ANK2: variants seen among roughly 807,000 people sequenced by gnomAD.
ANK2 encodes ankyrin 2.
A neutral mutation model predicts 360.5 loss-of-function variants in ANK2; 83 were observed. The observed-to-expected ratio is 0.23, with a 90% CI of 0.19 to 0.28. ANK2 has a LOEUF of 0.28. Among genes scored for constraint, ANK2 ranks in the 10% least tolerant of loss-of-function variants. The pLI, the probability that ANK2 is intolerant of heterozygous loss-of-function variation, is 1.00. For synonymous variants in ANK2, 1,740 were observed against 1,759.5 expected, an observed-to-expected ratio of 0.99 and a Z score of 0.28; for missense variants, 4,201 against 4,795.7, an observed-to-expected ratio of 0.88 and a Z score of 3.66.
At chr4:112,753,616 T>G in the ANK2 span, among the ~76,000 whole-genome samples, 1 of 151,982 alleles carries the variant, frequency 6.6e-6, no homozygotes, top group Non-Finnish European at 1.5e-5. Flanking sequence ...TAAAGCAGGT[T>G]GTAGTGAAGA....
chr4:112,737,551 C>G, the ANK2 span, among the ~76,000 whole-genome samples: 1 of 152,222 alleles, frequency 6.6e-6, no homozygotes, highest in African/African-American at 2.4e-5. Flanking sequence ...CTCCACATGG[C>G]ATCAGCTGGA....
the ANK2 span, among the ~76,000 whole-genome samples, chr4:112,790,473 A>ACTTTT: frequency 1.4e-4 from 20 of 140,298 alleles, no homozygotes; most frequent in African/African-American, 3.2e-4. Flanking sequence ...GGCCCCATTA[A>ACTTTT]CTTTTCTTTT....
the ANK2 span, among the ~76,000 whole-genome samples, chr4:112,729,148 T>C: frequency 6.6e-6 from 1 of 152,032 alleles, no homozygotes; most frequent in Non-Finnish European, 1.5e-5. Flanking sequence ...CAGTGAGGCA[T>C]GTTTGCCCCA....
chr4:112,961,616 A>T (rs2034881672), intron 2 of ANK2, among the ~76,000 whole-genome samples: 1 of 152,134 alleles, frequency 6.6e-6, no homozygotes, highest in Non-Finnish European at 1.5e-5. Context: ...GCAGATTATG[A>T]CTTATATGAA....
intron 1 of ANK2, among the ~76,000 whole-genome samples, chr4:113,121,233 A>T (rs2095331735): frequency 6.6e-6 from 1 of 152,168 alleles, no homozygotes; most frequent in South Asian, 2.1e-4. Flanking sequence ...CAAACAAGGA[A>T]ATTGCTTAAT....
the ANK2 span, among the ~76,000 whole-genome samples, chr4:112,790,488 T>C: frequency 9.4e-5 from 5 of 52,940 alleles, no homozygotes; most frequent in African/African-American, 1.8e-4. Flanking sequence ...TCTTTTCTTT[T>C]TTTTTTTTTT....
intron 1 of ANK2, among the ~76,000 whole-genome samples, chr4:113,071,473 C>G (rs917423867): frequency 6.6e-6 from 1 of 152,212 alleles, no homozygotes; most frequent in African/African-American, 2.4e-5. Context: ...GTTGCCTACC[C>G]TGGCTGCCTA....
chr4:112,852,689 C>A (rs2065294673), intron 1 of ANK2, among the ~76,000 whole-genome samples: 1 of 152,124 alleles, frequency 6.6e-6, no homozygotes, highest in Non-Finnish European at 1.5e-5. Flanking sequence ...TACACATATC[C>A]TATTTAAAAT....
intron 1 of ANK2, among the ~76,000 whole-genome samples, chr4:112,876,496 T>C (rs1355491633): frequency 6.6e-6 from 1 of 151,814 alleles, no homozygotes; most frequent in Non-Finnish European, 1.5e-5. Context: ...AAAAGAAGTA[T>C]GTGTGGAATG....
chr4:112,927,908 C>A (rs771236564), intron 2 of ANK2, among the ~76,000 whole-genome samples: 1 of 152,090 alleles, frequency 6.6e-6, no homozygotes, highest in Non-Finnish European at 1.5e-5. Context: ...ACTGAATAAC[C>A]AGAACAAGAA....
chr4:112,815,841 C>T (rs1471819200), upstream of ANK2, among the ~76,000 whole-genome samples: 2 of 152,254 alleles, frequency 1.3e-5, no homozygotes, highest in Admixed American at 1.3e-4. Flanking sequence ...GAAGCTCCTG[C>T]ACTCTGGACA....
intron 2 of ANK2, among the ~76,000 whole-genome samples, chr4:112,961,810 A>C (rs910031159): frequency 6.6e-6 from 1 of 152,132 alleles, no homozygotes; most frequent in Non-Finnish European, 1.5e-5. Flanking sequence ...AAATAATTAC[A>C]GTGGTTCTCA....
intron 2 of ANK2, among the ~76,000 whole-genome samples, chr4:113,016,131 G>A (rs2056549539): frequency 6.6e-6 from 1 of 151,800 alleles, no homozygotes; most frequent in Admixed American, 6.6e-5. Flanking sequence ...TTCAAGCCAT[G>A]CTCCCACTTT....
intron 2 of ANK2, among the ~76,000 whole-genome samples, chr4:113,016,578 AG>A (rs1339347503): frequency 1.3e-5 from 2 of 152,182 alleles, no homozygotes; most frequent in African/African-American, 4.8e-5. Flanking sequence ...AAGCTGATGA[AG>A]GCATTAGCTG....
chr4:112,876,590 A>G (rs1580296610), intron 1 of ANK2, among the ~76,000 whole-genome samples: 1 of 152,288 alleles, frequency 6.6e-6, no homozygotes, highest in African/African-American at 2.4e-5. Context: ...AAACAGATGT[A>G]GAGATGGATA....
intron 17 of ANK2, among the ~76,000 whole-genome samples, 194 bp from the exon 18 acceptor site, chr4:113,282,479 TGG>T (rs1423513460): frequency 6.6e-6 from 1 of 152,216 alleles, no homozygotes; most frequent in East Asian, 1.9e-4. Context: ...TACAGTAGAA[TGG>T]GGTGCCTTGT....
At chr4:113,335,207 G>A (rs1280012886) in intron 29 of ANK2, among the ~76,000 whole-genome samples, 1 of 152,008 alleles carries the variant, frequency 6.6e-6, no homozygotes, top group Non-Finnish European at 1.5e-5. Context: ...GATGTTAAAT[G>A]TTATTTTTGG....
Position 113,336,025 on chromosome 4 carries a change from G to T in ANK2, c.3559G>T (p.Ala1187Ser). 2 of 1,614,062 alleles carry T rather than the reference G, an allele frequency of 1.2e-6. No individual in the cohort carries two copies. The highest frequency in any genetic ancestry group is 1.7e-6 in the Non-Finnish European group (2 of 1,180,010). ...PQVQAVFPEGALTKRIRVGLQ... is the reference protein window; with the variant it reads ...PQVQAVFPEGSLTKRIRVGLQ... ...GGTGCAGGCCGTCTTCCCAGAGGGG[G>T]CACTCACCAAGCGGATCCGCGTAGG... is the stretch of plus-strand genomic sequence containing the variant. The change falls in exon 30 of 46, where the codon GCA becomes TCA. Residue 1187 changes from alanine (A) to serine (S), a missense_variant. Physicochemically the swap from Ala to Ser is moderately conservative, Grantham distance 99. This residue lies in a region of ANK2 where 1,268 missense variants were observed against 1,650.8 expected (regional missense o/e 0.77). Coordinates refer to ENST00000357077, the MANE Select transcript of ANK2 (RefSeq NM_001148.6).
the ANK2 span, among the ~76,000 whole-genome samples, chr4:112,789,913 T>A: frequency 1.3e-5 from 2 of 152,156 alleles, no homozygotes; most frequent in African/African-American, 2.4e-5. Context: ...ACTATTAAAA[T>A]AAAAACAAAA....
Sources: allele counts gnomAD v4.1 joint callset (sites outside exome capture counted in the v4.1 genomes callset), GRCh38; gene constraint gnomAD v4.1.1; regional missense constraint gnomAD v4.1.1; transcripts MANE v1.5; gene names NCBI Gene and HGNC (gene_info 2026-07-23, HGNC 2026-07-21).